TNR: variants seen among roughly 807,000 people sequenced by gnomAD.
The protein encoded by TNR is tenascin-R.
A neutral mutation model predicts 150.4 loss-of-function variants in TNR; 45 were observed. That is an observed-to-expected ratio of 0.30 (90% CI 0.24 to 0.38). The LOEUF (loss-of-function observed/expected upper bound fraction) is 0.38. Ranked by LOEUF, TNR falls within the 10% of genes least tolerant of loss-of-function variation. TNR has a pLI of 1.00. For missense variants in TNR, 1,544 were observed against 1,759.1 expected, an observed-to-expected ratio of 0.88 and a Z score of 2.19; for synonymous variants, 687 against 678.4, an observed-to-expected ratio of 1.01 and a Z score of -0.20.
chr1:175,403,049 T>A, intron 4 of TNR, 91 bp downstream of exon 4: 1 of 1,121,322 alleles, frequency 8.9e-7, no homozygotes, highest in Non-Finnish European at 1.3e-6. Context: ...CTTCACTTTC[T>A]CACTCATCTT....
intron 1 of TNR, among the ~76,000 whole-genome samples, chr1:175,628,785 A>G (rs1664236195): frequency 6.6e-6 from 1 of 152,144 alleles, no homozygotes; most frequent in South Asian, 2.1e-4. Context: ...GGGAGATGGA[A>G]AGAGAAGCCC....
At chr1:175,375,175 TTG>T (rs2102021649) in intron 9 of TNR, among the ~76,000 whole-genome samples, 1 of 58,154 alleles carries the variant, frequency 1.7e-5, no homozygotes, top group African/African-American at 6.1e-5. Context: ...AAATGATTTG[TTG>T]TTTTTTTTTT....
chr1:175,338,059 A>G lies in TNR; in HGVS notation c.3383-380T>C, dbSNP rs540016165. ...CAAAGATGTGTTAATGCAGGTAGTG[A>G]TTGGTTACTCAGGCAATGATTACAG... On this transcript the variant is annotated intron_variant, in intron 18 of 22. Coordinates refer to ENST00000367674, the MANE Select transcript of TNR (RefSeq NM_003285.3). 3.6e-4 allele frequency among the ~76,000 whole-genome samples: 55 copies of G among 152,362 alleles called. 2 individuals carry two copies. The South Asian group carries it at 0.011, about 30-fold the overall frequency.
intron 1 of TNR, among the ~76,000 whole-genome samples, chr1:175,666,299 G>A (rs1341623320): frequency 6.6e-6 from 1 of 152,184 alleles, no homozygotes; most frequent in Non-Finnish European, 1.5e-5. Context: ...GGGTGTTGGT[G>A]CTTTCCCTTC....
At chr1:175,723,476 A>T (rs975044171) in intron 1 of TNR, among the ~76,000 whole-genome samples, 1 of 152,224 alleles carries the variant, frequency 6.6e-6, no homozygotes, top group African/African-American at 2.4e-5. Context: ...AAGAGACTCT[A>T]TCCTTGCTCT....
chr1:175,422,176 T>A (rs1260649324), intron 2 of TNR, among the ~76,000 whole-genome samples: 1 of 152,234 alleles, frequency 6.6e-6, no homozygotes, highest in East Asian at 1.9e-4. Flanking sequence ...GATTGGGAAG[T>A]CTTCTTATAA....
intron 7 of TNR, among the ~76,000 whole-genome samples, chr1:175,390,705 A>C (rs1328086991): frequency 2.6e-5 from 4 of 152,228 alleles, no homozygotes; most frequent in Non-Finnish European, 5.9e-5. Context: ...TTTTTGAATG[A>C]CTTGTTTCCT....
chr1:175,536,869 T>C (rs968972821), intron 1 of TNR, among the ~76,000 whole-genome samples: 5 of 152,166 alleles, frequency 3.3e-5, no homozygotes, highest in Admixed American at 2.6e-4. Flanking sequence ...CCCCAATTCA[T>C]GTTTGGGCCC....
chr1:175,338,691 C>A (rs1650364219), intron 18 of TNR, among the ~76,000 whole-genome samples: 1 of 152,178 alleles, frequency 6.6e-6, no homozygotes, highest in South Asian at 2.1e-4. Context: ...ACCCTAGTGG[C>A]AGAACCGGTG....
At chr1:175,504,104 C>G (rs1658854237) in intron 2 of TNR, among the ~76,000 whole-genome samples, 1 of 152,086 alleles carries the variant, frequency 6.6e-6, no homozygotes, top group Admixed American at 6.6e-5. Flanking sequence ...TGAGGCTGGT[C>G]CTAGAAGGAA....
At chr1:175,508,088 G>T (rs1469645837) in intron 2 of TNR, among the ~76,000 whole-genome samples, 2 of 152,090 alleles carry the variant, frequency 1.3e-5, no homozygotes, top group Admixed American at 6.6e-5. Flanking sequence ...GGGAGGGAAA[G>T]ATCACACAGG....
chr1:175,579,599 C>G (rs1031350000), intron 1 of TNR, among the ~76,000 whole-genome samples: 3 of 150,598 alleles, frequency 2.0e-5, no homozygotes, highest in African/African-American at 4.9e-5. Flanking sequence ...TGGTCAAGGT[C>G]AGGAATTTGG....
chr1:175,354,388 C>T lies in TNR; in HGVS notation c.3382+3G>A, dbSNP rs1651217502. On this transcript the variant is annotated splice_donor_region_variant and intron_variant, in intron 18 of 22. Transcript: ENST00000367674. ...AGGCATCAAAGTGGCCATGCTCCCTCACCTGTGGTGAAAGCGGTGGAGGTG... is the reference window on the plus strand; with the variant it reads ...AGGCATCAAAGTGGCCATGCTCCCTTACCTGTGGTGAAAGCGGTGGAGGTG... The T allele has an allele frequency of 6.2e-7, 1 of 1,613,780 alleles. No homozygotes were observed. The highest frequency in any genetic ancestry group is 8.5e-7 in the Non-Finnish European group (1 of 1,179,834).
chr1:175,418,382 G>A (rs984190365), intron 2 of TNR, among the ~76,000 whole-genome samples: 1 of 152,198 alleles, frequency 6.6e-6, no homozygotes, highest in East Asian at 1.9e-4. Context: ...TGGCTTTTGA[G>A]CTGGGTCTTG....
At chr1:175,741,193 A>G (rs537572032) in intron 1 of TNR, among the ~76,000 whole-genome samples, 3 of 152,230 alleles carry the variant, frequency 2.0e-5, no homozygotes, top group Non-Finnish European at 4.4e-5. Flanking sequence ...GCACATGAGC[A>G]TTACTGCATT....
chr1:175,371,110 A>G (rs1189485649), intron 9 of TNR, among the ~76,000 whole-genome samples: 1 of 151,064 alleles, frequency 6.6e-6, no homozygotes, highest in Non-Finnish European at 1.5e-5. Context: ...TAGCCAGTGC[A>G]CTTAGATATC....
rs1393678568 is a variant in TNR, at chr1:175,397,588, G to A, written c.977-781C>T. Among the ~76,000 whole-genome samples the A allele has an allele frequency of 3.9e-5, 6 of 152,164 alleles. No individual in the cohort carries two copies. The South Asian group carries it at 6.2e-4, about 16-fold the overall frequency. On this transcript the variant is annotated intron_variant, in intron 4 of 22. Transcript: ENST00000367674. The stretch of plus-strand genomic sequence containing the variant: ...CAAAACAGTAAGTCCTGGATACCAC[G>A]GCCTGATGAAGACACTCAACAGCCC...
At chr1:175,663,305 G>A (rs1320767635) in intron 1 of TNR, among the ~76,000 whole-genome samples, 1 of 152,188 alleles carries the variant, frequency 6.6e-6, no homozygotes, top group African/African-American at 2.4e-5. Flanking sequence ...GTCACTGCAA[G>A]GGTTCATTCC....
intron 2 of TNR, among the ~76,000 whole-genome samples, chr1:175,429,657 A>C (rs893868886): frequency 6.6e-6 from 1 of 152,226 alleles, no homozygotes; most frequent in Admixed American, 6.5e-5. Context: ...ATATTACATG[A>C]AACACTCTTT....
Sources: allele counts gnomAD v4.1 joint callset (sites outside exome capture counted in the v4.1 genomes callset), GRCh38; gene constraint gnomAD v4.1.1; transcripts MANE v1.5; gene names NCBI Gene and HGNC (gene_info 2026-07-23, HGNC 2026-07-21).